The following CNTN5 variants were observed in gnomAD, a reference collection of about 807,000 sequenced individuals.
CNTN5 encodes the protein contactin-5.
A neutral mutation model predicts 129.1 loss-of-function variants in CNTN5; 77 were observed. The ratio of observed to expected loss-of-function variants is 0.60; its 90% CI spans 0.50 to 0.72. The LOEUF is 0.72. CNTN5 is among the 30% of genes least tolerant of loss of function. CNTN5 has a pLI of 0.00. For missense variants in CNTN5, 1,478 were observed against 1,328.8 expected, an observed-to-expected ratio of 1.11 and a Z score of -1.75; for synonymous variants, 509 against 465.6, an observed-to-expected ratio of 1.09 and a Z score of -1.20.
chr11:99,774,821 T>G (rs767916320), intron 3 of CNTN5, among the ~76,000 whole-genome samples: 2 of 152,060 alleles, frequency 1.3e-5, no homozygotes, highest in Non-Finnish European at 2.9e-5. Flanking sequence ...CGCTCTCCAG[T>G]TTTGTTCTTT....
chr11:100,070,566 G>A lies in CNTN5; in HGVS notation c.1299+6G>A. The A allele has an allele frequency of 6.2e-7, 1 of 1,612,448 alleles. No individual in the cohort carries two copies. The highest frequency in any genetic ancestry group is 8.5e-7 in the Non-Finnish European group (1 of 1,179,032). On this transcript the variant is annotated splice_donor_region_variant and intron_variant, in intron 11 of 24. Transcript: ENST00000524871. ...GAGTACCCCTCTCACCTCAGGTACTGTTGGGAGTTATTAACCTGTTCTGCT... is the reference window on the plus strand; with the variant it reads ...GAGTACCCCTCTCACCTCAGGTACTATTGGGAGTTATTAACCTGTTCTGCT...
chr11:99,678,774 C>CA (rs1274659186), intron 3 of CNTN5, among the ~76,000 whole-genome samples: 3 of 151,934 alleles, frequency 2.0e-5, no homozygotes, highest in Non-Finnish European at 2.9e-5. Flanking sequence ...CATGGTGGCA[C>CA]AGCGCCAACT....
intron 1 of CNTN5, among the ~76,000 whole-genome samples, chr11:99,257,967 C>T (rs932824747): frequency 2.0e-5 from 3 of 151,984 alleles, no homozygotes; most frequent in African/African-American, 7.2e-5. Context: ...CCAAAGGTCC[C>T]ACAGGGATAG....
At chr11:99,953,026 A>G (rs1481987661) in intron 7 of CNTN5, among the ~76,000 whole-genome samples, 1 of 152,216 alleles carries the variant, frequency 6.6e-6, no homozygotes, top group Non-Finnish European at 1.5e-5. Context: ...TACACACACT[A>G]TTAGAAAGAA....
intron 3 of CNTN5, among the ~76,000 whole-genome samples, chr11:99,667,442 A>G (rs1952837721): frequency 6.6e-6 from 1 of 152,146 alleles, no homozygotes; most frequent in South Asian, 2.1e-4. Flanking sequence ...TTTACACCTC[A>G]ATGGCTAATG....
chr11:99,294,331 T>G (rs1864295064), intron 1 of CNTN5, among the ~76,000 whole-genome samples: 1 of 152,202 alleles, frequency 6.6e-6, no homozygotes, highest in African/African-American at 2.4e-5. Context: ...TGCAGTATAC[T>G]AACTCAGTGT....
At chr11:100,007,059 T>C (rs12285550) in intron 9 of CNTN5, among the ~76,000 whole-genome samples, 56,556 of 151,670 alleles carry the variant, frequency 0.37, 11,896 homozygotes, top group African/African-American at 0.57. Flanking sequence ...ATGAGATGCA[T>C]TGTCAATGGA....
At chr11:99,043,547 A>G (rs1476127145) in intron 1 of CNTN5, among the ~76,000 whole-genome samples, 1 of 152,246 alleles carries the variant, frequency 6.6e-6, no homozygotes, top group East Asian at 1.9e-4. Flanking sequence ...ATTTGCCATT[A>G]ATGAAAATAG....
chr11:100,024,631 G>T (rs1328483206), intron 9 of CNTN5, among the ~76,000 whole-genome samples: 1 of 152,202 alleles, frequency 6.6e-6, no homozygotes, highest in Non-Finnish European at 1.5e-5. Flanking sequence ...GGCTGAGGTG[G>T]TCTCAGATGG....
chr11:99,582,114 G>A (rs910799123), intron 3 of CNTN5, among the ~76,000 whole-genome samples: 3 of 152,006 alleles, frequency 2.0e-5, no homozygotes, highest in Non-Finnish European at 2.9e-5. Context: ...TGAAATTCTG[G>A]GTTGAAAATT....
chr11:99,223,341 G>A (rs528548872), intron 1 of CNTN5, among the ~76,000 whole-genome samples: 169 of 152,168 alleles, frequency 1.1e-3, no homozygotes, highest in Non-Finnish European at 2.3e-3. Flanking sequence ...AAATGATGAC[G>A]TAGTTCTTAC....
intron 1 of CNTN5, among the ~76,000 whole-genome samples, chr11:99,116,251 G>C (rs1182232510): frequency 1.3e-5 from 2 of 151,970 alleles, no homozygotes; most frequent in African/African-American, 4.8e-5. Flanking sequence ...TTTATTTGTT[G>C]TGGCATTTTC....
intron 2 of CNTN5, among the ~76,000 whole-genome samples, chr11:99,430,739 G>C (rs1943331785): frequency 6.6e-6 from 1 of 151,846 alleles, no homozygotes; most frequent in South Asian, 2.1e-4. Context: ...AAGGTTGGGG[G>C]GGCGGGGAGA....
intron 1 of CNTN5, among the ~76,000 whole-genome samples, chr11:99,032,094 A>T (rs967684020): frequency 2.6e-5 from 4 of 151,312 alleles, no homozygotes; most frequent in African/African-American, 9.7e-5. Flanking sequence ...AAGGACATGA[A>T]CTCATCCTTT....
At chr11:99,802,235 G>A (rs1216488079) in intron 3 of CNTN5, among the ~76,000 whole-genome samples, 1 of 152,178 alleles carries the variant, frequency 6.6e-6, no homozygotes, top group Non-Finnish European at 1.5e-5. Context: ...ATGGGTAAGA[G>A]ACAGTTACAG....
At chr11:99,992,751 G>A (rs1446695654) in intron 8 of CNTN5, among the ~76,000 whole-genome samples, 1 of 152,128 alleles carries the variant, frequency 6.6e-6, no homozygotes, top group Non-Finnish European at 1.5e-5. Context: ...CTCTTCAAAA[G>A]TAATTGGAAT....
intron 2 of CNTN5, among the ~76,000 whole-genome samples, chr11:99,394,579 G>T (rs1310735749): frequency 6.6e-6 from 1 of 151,394 alleles, no homozygotes; most frequent in Non-Finnish European, 1.5e-5. Flanking sequence ...GGGTATAAGT[G>T]CAGGTTTGTT....
intron 2 of CNTN5, among the ~76,000 whole-genome samples, chr11:99,364,309 A>G (rs1939311110): frequency 6.6e-6 from 1 of 152,102 alleles, no homozygotes; most frequent in Non-Finnish European, 1.5e-5. Flanking sequence ...ATACATTCAT[A>G]TTTTCACTCA....
chr11:100,153,541 A>G (rs991944437), intron 13 of CNTN5, among the ~76,000 whole-genome samples: 3 of 152,088 alleles, frequency 2.0e-5, no homozygotes, highest in Non-Finnish European at 2.9e-5. Context: ...TGTTAAAAAG[A>G]AAAAGATTTC....
Sources: gnomAD v4.1 joint callset for allele counts (sites outside exome capture counted in the v4.1 genomes callset) on GRCh38, gnomAD v4.1.1 for gene constraint, MANE v1.5 for transcripts, NCBI Gene and HGNC (gene_info 2026-07-23, HGNC 2026-07-21) for gene names.